Variants in TPTE observed in about 807,000 individuals in gnomAD.
The protein encoded by TPTE is putative tyrosine-protein phosphatase TPTE.
A neutral mutation model predicts 84.1 loss-of-function variants in TPTE; 59 were observed. The ratio of observed to expected loss-of-function variants is 0.70; its 90% CI spans 0.57 to 0.87. The LOEUF (loss-of-function observed/expected upper bound fraction) is 0.87, where lower values mean the gene tolerates loss of function less well. Among genes scored for constraint, TPTE ranks in the 40% least tolerant of loss-of-function variants. The probability of loss-of-function intolerance (pLI) is 0.00; values close to 1 mark genes in which losing one functional copy is unlikely to be tolerated. For synonymous variants in TPTE, 130 were observed against 223.5 expected (o/e 0.58, Z 3.73); for missense variants, 382 against 659.6 (o/e 0.58, Z 4.61).
At chr21:10,556,249 G>T (rs1169209589) in intron 8 of TPTE, among the ~76,000 whole-genome samples, 1 of 152,312 alleles carries the variant, frequency 6.6e-6, no homozygotes, top group Non-Finnish European at 1.5e-5. Context: ...GTGTCCAAGG[G>T]TTCTCATTGT....
At chr21:10,540,674 AGC>A (rs1482984472) in intron 4 of TPTE, 2 of 519,206 alleles carry the variant, frequency 3.9e-6, no homozygotes, top group Non-Finnish European at 7.7e-6. Context: ...CATGGGATGG[AGC>A]CCTTGCTTGA....
At chr21:10,583,887 A>G (rs1484471103) in intron 17 of TPTE, among the ~76,000 whole-genome samples, 1 of 152,312 alleles carries the variant, frequency 6.6e-6, no homozygotes, top group East Asian at 1.9e-4. Context: ...CTGTGTGCCA[A>G]TAGCACAACT....
At chr21:10,580,282 G>C (rs1164835801) in intron 17 of TPTE, among the ~76,000 whole-genome samples, 1 of 152,310 alleles carries the variant, frequency 6.6e-6, no homozygotes, top group South Asian at 2.1e-4. Context: ...ATGCTTTGTA[G>C]ATATTTCTCC....
chr21:10,569,894 G>A (rs2075008197), intron 13 of TPTE, 148 bp downstream of exon 13: 7 of 1,565,726 alleles, frequency 4.5e-6, no homozygotes, highest in East Asian at 2.2e-5. Flanking sequence ...CATATTTGTG[G>A]TTTAGCCCTG....
rs1223882711 is a variant in TPTE at position 10,561,115 on chromosome 21, T to C, written c.370T>C (p.Leu124=). 1 of 1,611,984 alleles carries C rather than the reference T, an allele frequency of 6.2e-7. No individual in the cohort carries two copies. The highest frequency in any genetic ancestry group is 1.7e-5 in the Admixed American group (1 of 60,006). Residue 124 remains leucine, a synonymous_variant, in exon 10 of 24, where the codon TTG becomes CTG. Coordinates refer to ENST00000618007, the MANE Select transcript of TPTE (RefSeq NM_199261.4). ...IFTDSKLYIP[L]EYRSISLAIA... ...CACTGACAGCAAACTTTATATTCCT[T>C]TGGAGTATCGTTCTATTTCTCTAGC...
At chr21:10,540,760 G>C (rs1213213896) in intron 4 of TPTE, 1 of 521,436 alleles carries the variant, frequency 1.9e-6, no homozygotes, top group Non-Finnish European at 3.8e-6. Context: ...GGAGGTGATT[G>C]GAGGTGATAG....
At chr21:10,528,590 C>G (rs550969538) in intron 3 of TPTE, among the ~76,000 whole-genome samples, 1 of 152,428 alleles carries the variant, frequency 6.6e-6, no homozygotes, top group South Asian at 2.1e-4. Context: ...TTACATAGAG[C>G]TTTATAATAA....
chr21:10,539,027 C>G (rs2074319278), intron 4 of TPTE, among the ~76,000 whole-genome samples: 1 of 152,306 alleles, frequency 6.6e-6, no homozygotes, highest in Non-Finnish European at 1.5e-5. Context: ...GGTAACATTG[C>G]TTCCTTTTCT....
chr21:10,557,751 CTTTTA>C (rs1336893920), intron 8 of TPTE, among the ~76,000 whole-genome samples: 1 of 152,124 alleles, frequency 6.6e-6, no homozygotes, highest in African/African-American at 2.4e-5. Context: ...TTTTTTTTAA[CTTTTA>C]TTTTAGGTTT....
chr21:10,594,254 C>T (rs1432944788), intron 19 of TPTE, among the ~76,000 whole-genome samples: 3 of 152,298 alleles, frequency 2.0e-5, no homozygotes, highest in Admixed American at 1.3e-4. Flanking sequence ...GCTCATGCCC[C>T]TTTTCCTAGA....
Position 10,569,077 on chromosome 21 carries a change from A to T in TPTE, c.567-360A>T, listed in dbSNP as rs1407308550. 2.0e-5 allele frequency among the ~76,000 whole-genome samples: 3 copies of T among 152,424 alleles called. No homozygotes were observed. In the South Asian group the frequency reaches 6.2e-4, roughly 32 times the overall value. ...TCCCAAAATTAAATTTACAGATGCT[A>T]AGAGTCTATTGTATCACTATTTCTC... On this transcript the variant is annotated intron_variant, in intron 11 of 23. Coordinates refer to ENST00000618007, the MANE Select transcript of TPTE (RefSeq NM_199261.4).
At chr21:10,542,495 G>C (rs772317055) in intron 6 of TPTE, 47 bp downstream of exon 6, 1 of 1,602,144 alleles carries the variant, frequency 6.2e-7, no homozygotes, top group South Asian at 1.1e-5. Context: ...AGTGTGCATA[G>C]AACTATACAC....
At chr21:10,599,589 A>G (rs1227733352) in intron 21 of TPTE, among the ~76,000 whole-genome samples, 28 of 152,396 alleles carry the variant, frequency 1.8e-4, no homozygotes, top group Non-Finnish European at 2.9e-4. Context: ...TAAGTGTTAT[A>G]TGTGATAATT....
At chr21:10,526,410 TA>T (rs1359982501) in intron 2 of TPTE, among the ~76,000 whole-genome samples, 2 of 152,310 alleles carry the variant, frequency 1.3e-5, no homozygotes, top group African/African-American at 4.8e-5. Context: ...CTTAAAGACA[TA>T]AAAAGATACC....
At chr21:10,580,438 G>A (rs1468063277) in intron 17 of TPTE, among the ~76,000 whole-genome samples, 1 of 152,302 alleles carries the variant, frequency 6.6e-6, no homozygotes, top group Non-Finnish European at 1.5e-5. Context: ...CCAGACCAAT[G>A]TCAAGAAGAT....
chr21:10,575,219 C>A (rs373340575), intron 14 of TPTE, among the ~76,000 whole-genome samples: 26 of 152,276 alleles, frequency 1.7e-4, no homozygotes, highest in African/African-American at 6.3e-4. Flanking sequence ...GAGTTCCCCA[C>A]GACACAGCAC....
intron 3 of TPTE, among the ~76,000 whole-genome samples, chr21:10,531,911 A>C (rs1191785887): frequency 1.3e-5 from 2 of 152,306 alleles, no homozygotes; most frequent in Non-Finnish European, 2.9e-5. Flanking sequence ...AATACCATCT[A>C]TGAAACAGTT....
intron 10 of TPTE, among the ~76,000 whole-genome samples, chr21:10,565,088 A>T (rs530568325): frequency 1.1e-4 from 17 of 152,424 alleles, no homozygotes; most frequent in African/African-American, 3.4e-4. Flanking sequence ...TTTGCAGATG[A>T]TACATTTTAT....
At chr21:10,546,377 C>G (rs1025427922) in intron 7 of TPTE, among the ~76,000 whole-genome samples, 1 of 152,308 alleles carries the variant, frequency 6.6e-6, no homozygotes, top group Non-Finnish European at 1.5e-5. Flanking sequence ...TTGGGCCTCC[C>G]TATTCCCTGA....
Sources: gnomAD v4.1 joint callset for allele counts (sites outside exome capture counted in the v4.1 genomes callset) on GRCh38, gnomAD v4.1.1 for gene constraint, MANE v1.5 for transcripts, NCBI Gene and HGNC (gene_info 2026-07-23, HGNC 2026-07-21) for gene names.